Variants in CCDC178 observed in about 807,000 individuals in gnomAD.
The protein encoded by CCDC178 is coiled-coil domain-containing protein 178.
CCDC178 carries 126 observed loss-of-function variants against 117.4 expected under a neutral mutation model. That is an observed-to-expected ratio of 1.07 (90% confidence interval 0.93 to 1.24). The LOEUF (loss-of-function observed/expected upper bound fraction) is 1.24, where lower values mean the gene tolerates loss of function less well. Among genes scored for constraint, CCDC178 ranks in the 50% most tolerant of loss-of-function variants. The probability of loss-of-function intolerance (pLI) is 0.00; values close to 1 mark genes in which losing one functional copy is unlikely to be tolerated. For missense variants in CCDC178, 1,030 were observed against 986.9 expected, an observed-to-expected ratio of 1.04 and a Z score of -0.59; for synonymous variants, 283 against 313.4, an observed-to-expected ratio of 0.90 and a Z score of 1.02.
chr18:33,327,173 T>C (rs934086430), intron 10 of CCDC178, among the ~76,000 whole-genome samples: 21 of 152,374 alleles, frequency 1.4e-4, no homozygotes, highest in African/African-American at 5.0e-4. Context: ...GATTTACCTA[T>C]ACTGCATCTT....
At chr18:33,321,760 T>A (rs1207888826) in intron 11 of CCDC178, among the ~76,000 whole-genome samples, 1 of 151,302 alleles carries the variant, frequency 6.6e-6, no homozygotes, top group African/African-American at 2.4e-5. Context: ...AAGAAAAAAA[T>A]ACAACAAATG....
At chr18:33,384,319 A>G (rs1214903577) in intron 5 of CCDC178, among the ~76,000 whole-genome samples, 1 of 152,198 alleles carries the variant, frequency 6.6e-6, no homozygotes, top group Non-Finnish European at 1.5e-5. Context: ...AACTTCCCCA[A>G]TCTAGCAAGA....
rs115194411 is a variant in CCDC178 at position 33,050,973 on chromosome 18, C to T, written c.2388+41788G>A. ...TGTCACTGAGGCTAGAGTGCAATGG[C>T]GCGATCTTGACACACTGCAACCTCC... On this transcript the variant is annotated intron_variant, in intron 21 of 22. Transcript: ENST00000383096. Among the ~76,000 whole-genome samples the T allele has an allele frequency of 3.3e-3, 507 of 152,142 alleles. 3 individuals are homozygous for T. The highest frequency in any genetic ancestry group is 0.012 in the African/African-American group (486 of 41,520).
intron 4 of CCDC178, among the ~76,000 whole-genome samples, chr18:33,391,968 A>G (rs1465510700): frequency 2.0e-5 from 3 of 151,802 alleles, no homozygotes; most frequent in Admixed American, 2.0e-4. Context: ...GGTTCAAGCG[A>G]TTCTCCTGCC....
At chr18:33,249,708 T>G (rs1000376743) in intron 14 of CCDC178, among the ~76,000 whole-genome samples, 4 of 152,114 alleles carry the variant, frequency 2.6e-5, no homozygotes, top group African/African-American at 9.7e-5. Context: ...GTGTGATGCC[T>G]TCAGCTTTGT....
chr18:33,093,221 G>A (rs1166067615), intron 20 of CCDC178, among the ~76,000 whole-genome samples: 1 of 151,714 alleles, frequency 6.6e-6, no homozygotes, highest in Non-Finnish European at 1.5e-5. Context: ...TGCCTTGAAA[G>A]GTGCCCAGTC....
At chr18:33,118,404 A>G (rs573555084) in intron 20 of CCDC178, among the ~76,000 whole-genome samples, 6 of 152,146 alleles carry the variant, frequency 3.9e-5, no homozygotes, top group African/African-American at 1.4e-4. Flanking sequence ...GGCTCCACTC[A>G]CTATTATCCC....
At chr18:33,255,097 G>C (rs2144726621) in intron 14 of CCDC178, among the ~76,000 whole-genome samples, 1 of 152,122 alleles carries the variant, frequency 6.6e-6, no homozygotes, top group African/African-American at 2.4e-5. Flanking sequence ...AAACCAGGAT[G>C]CCTCTCAAGT....
At chr18:33,347,158 C>T (rs373906228) in intron 8 of CCDC178, among the ~76,000 whole-genome samples, 1 of 151,934 alleles carries the variant, frequency 6.6e-6, no homozygotes, top group Non-Finnish European at 1.5e-5. Flanking sequence ...AGGACTGATG[C>T]CTATAAACAC....
chr18:33,166,818 G>A (rs1252095245), intron 20 of CCDC178, among the ~76,000 whole-genome samples: 2 of 152,128 alleles, frequency 1.3e-5, no homozygotes, highest in Non-Finnish European at 2.9e-5. Context: ...ACATGTGCAG[G>A]TTTGTTATAT....
chr18:33,419,530 T>C (rs2063994522), intron 2 of CCDC178, among the ~76,000 whole-genome samples: 1 of 152,180 alleles, frequency 6.6e-6, no homozygotes, highest in African/African-American at 2.4e-5. Context: ...TTTCTAACTG[T>C]GCATCTGACA....
At chr18:33,069,202 A>C (rs1024828030) in intron 21 of CCDC178, among the ~76,000 whole-genome samples, 5 of 152,128 alleles carry the variant, frequency 3.3e-5, no homozygotes, top group Admixed American at 6.5e-5. Flanking sequence ...TGTATGAAAC[A>C]AAAAAGGCTG....
At chr18:33,072,718 T>G (rs926285989) in intron 21 of CCDC178, among the ~76,000 whole-genome samples, 10 of 152,240 alleles carry the variant, frequency 6.6e-5, no homozygotes, top group Non-Finnish European at 4.4e-5. Context: ...TTGCCAATTC[T>G]TTCTTTCAAC....
At chr18:33,006,898 A>C (rs1330274612) in intron 21 of CCDC178, among the ~76,000 whole-genome samples, 1 of 152,088 alleles carries the variant, frequency 6.6e-6, no homozygotes, top group Non-Finnish European at 1.5e-5. Flanking sequence ...CCAATAATAC[A>C]TCTTGGAAGA....
chr18:33,029,758 T>C (rs1464637437), intron 21 of CCDC178, among the ~76,000 whole-genome samples: 1 of 152,028 alleles, frequency 6.6e-6, no homozygotes, highest in East Asian at 1.9e-4. Flanking sequence ...TTGCTGTTTT[T>C]TCAGGAGTGT....
intron 22 of CCDC178, 31 bp from the exon 23 acceptor site, chr18:32,938,122 AT>A: frequency 7.2e-7 from 1 of 1,396,598 alleles, no homozygotes; most frequent in South Asian, 1.2e-5. Flanking sequence ...AACAAAATCA[AT>A]AAGTACTCAT....
chr18:33,215,459 A>G lies in CCDC178; in HGVS notation c.2078+91T>C, dbSNP rs2059153423. ...TACGTTATAATTAAAAATACGAACCATTTTAAGAATGCATTTTAAATATGG... is the reference window on the plus strand; with the variant it reads ...TACGTTATAATTAAAAATACGAACCGTTTTAAGAATGCATTTTAAATATGG... On this transcript the variant is annotated intron_variant, in intron 19 of 22. Transcript: ENST00000383096. The G allele has an allele frequency of 3.8e-6, 3 of 782,670 alleles. No homozygotes were observed. The East Asian group carries it at 1.0e-4, about 27-fold the overall frequency. 48.5% of individuals were successfully genotyped at this position (782,670 alleles called of 1,614,324 possible). A position where few individuals can be genotyped will look rare whatever the true frequency, so the allele number is the denominator to read the frequency against.
rs1043207814 is a variant in CCDC178 at position 33,346,105 on chromosome 18, C to T, written c.658+106G>A. On this transcript the variant is annotated intron_variant, in intron 9 of 22. Coordinates refer to ENST00000383096, the MANE Select transcript of CCDC178 (RefSeq NM_001105528.4). ...GCCTCCCAAAGCGTGGGATTACAGG[C>T]ATGAGCCATGGCACTAAGACAATTT... 4 of 780,334 alleles carry T rather than the reference C, an allele frequency of 5.1e-6. No homozygotes were observed. In the Admixed American group the frequency reaches 1.1e-4, roughly 22 times the overall value. The allele number at this position is 780,334 out of a possible 1,614,324, so 48.3% of individuals were successfully genotyped here.
Position 33,293,262 on chromosome 18 carries a change from A to G in CCDC178, c.1073T>C (p.Val358Ala). 6.5e-7 allele frequency: 1 copy of G among 1,550,012 alleles called. No individual in the cohort carries two copies. The highest frequency in any genetic ancestry group is 1.7e-5 in the Admixed American group (1 of 59,392). Residue 358 changes from valine to alanine, a missense_variant, in exon 12 of 23, where the codon GTG becomes GCG. Physicochemically the swap from Val to Ala is moderately conservative, Grantham distance 64. Coordinates refer to ENST00000383096, the MANE Select transcript of CCDC178 (RefSeq NM_001105528.4). ...CTCAATATTAGTATTAACATTTATC[A>G]CTGATGAAGAGTAATGATCAAATAG... ...NSLFDHYSSS[V>A]INVNTNIEEK... is the part of the protein sequence containing the mutation.
Sources: allele counts gnomAD v4.1 joint callset (sites outside exome capture counted in the v4.1 genomes callset), GRCh38; gene constraint gnomAD v4.1.1; transcripts MANE v1.5; gene names NCBI Gene and HGNC (gene_info 2026-07-23, HGNC 2026-07-21).